The following BIRC5 variants were observed in gnomAD, a reference collection of about 807,000 sequenced individuals.
BIRC5 encodes the protein baculoviral IAP repeat containing 5, also known as baculoviral IAP repeat-containing protein 5.
Under a neutral mutation model 15.8 loss-of-function variants are expected in BIRC5, and 8 were observed. The observed-to-expected ratio is 0.51, with a 90% CI of 0.30 to 0.91. The LOEUF (loss-of-function observed/expected upper bound fraction) is 0.91. BIRC5 is among the 40% of genes least tolerant of loss of function. The pLI, the probability that BIRC5 is intolerant of heterozygous loss-of-function variation, is 0.07. For synonymous variants in BIRC5, 56 were observed against 64.5 expected, an observed-to-expected ratio of 0.87 and a Z score of 0.63; for missense variants, 163 against 178.6, an observed-to-expected ratio of 0.91 and a Z score of 0.50.
intron 3 of BIRC5, chr17:78,223,001 G>A (rs2076525264): frequency 1.4e-6 from 2 of 1,476,010 alleles, no homozygotes; most frequent in Non-Finnish European, 8.9e-7. Flanking sequence ...AGGTAGGGCA[G>A]TGGTTAAGAG....
In BIRC5 at chr17:78,214,334, G is replaced by C. The variant is rs2076461603; in HGVS notation, c.18G>C (p.Leu6Phe). 6.2e-7 allele frequency: 1 copy of C among 1,608,074 alleles called. No homozygotes were observed. Among genetic ancestry groups the C allele is most frequent in the Non-Finnish European group, 8.5e-7 (1 of 1,177,842 alleles). Residue 6 changes from leucine (L) to phenylalanine (F), a missense_variant, in exon 1 of 4, where the codon TTG (leucine) becomes TTC (phenylalanine). Leu to Phe is a conservative substitution (Grantham distance 22, BLOSUM62 0). Transcript: ENST00000350051. ...GCGGCGGCATGGGTGCCCCGACGTTGCCCCCTGCCTGGCAGCCCTTTCTCA... is the reference window on the plus strand; with the variant it reads ...GCGGCGGCATGGGTGCCCCGACGTTCCCCCCTGCCTGGCAGCCCTTTCTCA... MGAPT[L>F]PPAWQPFLKD...
At position 78,216,657 on chromosome 17, in the gene BIRC5, T is replaced by A; in HGVS notation, c.222-7T>A. The A allele has an allele frequency of 6.2e-7, 1 of 1,612,942 alleles. No individual in the cohort carries two copies. Among genetic ancestry groups the A allele is most frequent in the Non-Finnish European group, 8.5e-7 (1 of 1,179,236 alleles). On this transcript the variant is annotated splice_region_variant and splice_polypyrimidine_tract_variant and intron_variant, in intron 2 of 3. Transcript: ENST00000350051. ...CTGCCTTTCCGCTGTTGTTTTGATT[T>A]TTCTAGAGAGGAACATAAAAAGCAT...
chr17:78,225,488 G>A lies in BIRC5; in HGVS notation c.*1934G>A, dbSNP rs562486606. ...TTCCAATGGCAGGTTAGAGCCCCTC[G>A]GGCCAACTGCCATCCTGGAAAGTAG... On this transcript the variant is annotated 3_prime_UTR_variant, in exon 4 of 4. Transcript: ENST00000350051. The A allele has an allele frequency of 7.9e-5, 12 of 152,326 alleles. No homozygotes were observed. The highest frequency in any genetic ancestry group is 3.9e-4 in the East Asian group (2 of 5,188). 9.4% of individuals were successfully genotyped at this position (152,326 alleles called of 1,614,324 possible). A position where few individuals can be genotyped will look rare whatever the true frequency, so the allele number is the denominator to read the frequency against.
At chr17:78,222,446 C>T (rs1337125336) in intron 3 of BIRC5, among the ~76,000 whole-genome samples, 1 of 152,068 alleles carries the variant, frequency 6.6e-6, no homozygotes, top group African/African-American at 2.4e-5. Flanking sequence ...GCGGGCAGAT[C>T]ACATGAGATC....
chr17:78,223,637 G>GGAA lies in BIRC5; in HGVS notation c.*84_*85insAAG. The GGAA allele has an allele frequency of 6.3e-7, 1 of 1,596,112 alleles. No homozygotes were observed. The highest frequency in any genetic ancestry group is 8.5e-7 in the Non-Finnish European group (1 of 1,171,064). On this transcript the variant is annotated 3_prime_UTR_variant, in exon 4 of 4. Coordinates refer to ENST00000350051, the MANE Select transcript of BIRC5 (RefSeq NM_001168.3). ...CCCTGGTGCCACCAGCCTTCCTGTG[G>GGAA]GCCCCTTAGCAATGTCTTAGGAAAG...
Position 78,224,712 on chromosome 17 carries a change from C to T in BIRC5, c.*1158C>T, listed in dbSNP as rs886476628. ...CTGTCATTTCAAACACTGCTGTGGA[C>T]CCTACTGGGTTTTTAAAATATTGTC... On this transcript the variant is annotated 3_prime_UTR_variant, in exon 4 of 4. Transcript: ENST00000350051. The T allele has an allele frequency of 4.6e-5, 7 of 152,206 alleles. 1 individual carries two copies. Among genetic ancestry groups the T allele is most frequent in the Non-Finnish European group, 4.4e-5 (3 of 68,050 alleles). The allele number at this position is 152,206 out of a possible 1,614,324, so 9.4% of individuals were successfully genotyped here.
chr17:78,218,721 G>C (rs60257500), intron 3 of BIRC5, among the ~76,000 whole-genome samples: 1 of 151,422 alleles, frequency 6.6e-6, no homozygotes, highest in Non-Finnish European at 1.5e-5. Context: ...TTCTGCCTCA[G>C]CCTCCTGAGT....
intron 2 of BIRC5, among the ~76,000 whole-genome samples, chr17:78,215,548 G>A (rs17885141): frequency 3.2e-4 from 49 of 151,668 alleles, no homozygotes; most frequent in African/African-American, 1.2e-3. Context: ...TTTCCACACT[G>A]TAATGCCATA....
chr17:78,217,645 C>T (rs1048073837), intron 3 of BIRC5, among the ~76,000 whole-genome samples: 18 of 151,666 alleles, frequency 1.2e-4, no homozygotes, highest in East Asian at 9.7e-4. Flanking sequence ...TACAGGCGCC[C>T]GCCACCACAC....
At chr17:78,217,955 CTTAT>C (rs201966373) in intron 3 of BIRC5, among the ~76,000 whole-genome samples, 15 of 150,664 alleles carry the variant, frequency 1.0e-4, no homozygotes, top group East Asian at 3.9e-4. Context: ...CCATGCCCAC[CTTAT>C]TTATTTATTT....
chr17:78,214,844 AG>A (rs1271881103), intron 2 of BIRC5, 55 bp downstream of exon 2: 1 of 1,501,720 alleles, frequency 6.7e-7, no homozygotes. Context: ...AGTTGTCAAA[AG>A]ATTTGAGTTG....
Position 78,223,530 on chromosome 17 carries a change from C to T in BIRC5, c.405C>T (p.Ile135=), listed in dbSNP as rs17880183. ...EETAEKVRRA[I]EQLAAMD is the part of the protein sequence containing the mutation. ...CTGCGGAGAAAGTGCGCCGTGCCAT[C>T]GAGCAGCTGGCTGCCATGGATTGAG... Residue 135 remains isoleucine, a synonymous_variant, in exon 4 of 4, where the codon ATC becomes ATT. Transcript: ENST00000350051. The T allele has an allele frequency of 1.1e-3, 1,772 of 1,613,294 alleles. 27 individuals are homozygous for T. In the African/African-American group the frequency reaches 0.021, roughly 19 times the overall value.
intron 3 of BIRC5, among the ~76,000 whole-genome samples, chr17:78,220,448 G>A (rs767226157): frequency 1.3e-5 from 2 of 148,540 alleles, no homozygotes; most frequent in Non-Finnish European, 1.5e-5. Flanking sequence ...AAAAAAAGTA[G>A]GCTTTCATGA....
Position 78,224,726 on chromosome 17 carries a change from T to A in BIRC5, c.*1172T>A, listed in dbSNP as rs2076538713. 1 of 152,210 alleles carries A rather than the reference T, an allele frequency of 6.6e-6. No homozygotes were observed. The highest frequency in any genetic ancestry group is 1.5e-5 in the Non-Finnish European group (1 of 68,028). The allele number at this position is 152,210 out of a possible 1,614,324, so 9.4% of individuals were successfully genotyped here. ...ACTGCTGTGGACCCTACTGGGTTTT[T>A]AAAATATTGTCAGTTTTTCATCGTC... On this transcript the variant is annotated 3_prime_UTR_variant, in exon 4 of 4. Coordinates refer to ENST00000350051, the MANE Select transcript of BIRC5 (RefSeq NM_001168.3).
chr17:78,223,800 G>A lies in BIRC5; in HGVS notation c.*246G>A, dbSNP rs2076531275. 1 of 845,912 alleles carries A rather than the reference G, an allele frequency of 1.2e-6. No individual in the cohort carries two copies. The highest frequency in any genetic ancestry group is 1.7e-6 in the Non-Finnish European group (1 of 590,802). 52.4% of individuals were successfully genotyped at this position (845,912 alleles called of 1,614,324 possible). On this transcript the variant is annotated 3_prime_UTR_variant, in exon 4 of 4. Transcript: ENST00000350051. ...TCTCTCTCTCTCTCTCTTTTTTGGG[G>A]GCTCATTTTTGCTGTTTTGATTCCC...
intron 3 of BIRC5, among the ~76,000 whole-genome samples, chr17:78,217,041 A>G (rs1364537307): frequency 6.7e-6 from 1 of 149,694 alleles, no homozygotes; most frequent in African/African-American, 2.5e-5. Context: ...CACCACACCC[A>G]GCTAATTTTT....
At position 78,223,506 on chromosome 17, in the gene BIRC5, T is replaced by C; in HGVS notation, c.381T>C (p.Thr127=). The C allele has an allele frequency of 1.9e-6, 3 of 1,609,440 alleles. No homozygotes were observed. The highest frequency in any genetic ancestry group is 2.5e-6 in the Non-Finnish European group (3 of 1,178,088). The change falls in exon 4 of 4, where the codon ACT becomes ACC. Residue 127 remains threonine (T), a synonymous_variant. Transcript: ENST00000350051. ...TNNKKKEFEE[T]AEKVRRAIEQ... is the part of the protein sequence containing the mutation. ...ATAAGAAGAAAGAATTTGAGGAAAC[T>C]GCGGAGAAAGTGCGCCGTGCCATCG... is the stretch of plus-strand genomic sequence containing the variant.
chr17:78,216,386 C>G (rs984392657), intron 2 of BIRC5: 1 of 351,428 alleles, frequency 2.8e-6, no homozygotes, highest in African/African-American at 2.1e-5. Flanking sequence ...CCATGTAACA[C>G]TTTTCCAACT....
chr17:78,222,189 G>A (rs1004722115), intron 3 of BIRC5, among the ~76,000 whole-genome samples: 28 of 145,746 alleles, frequency 1.9e-4, no homozygotes, highest in African/African-American at 6.1e-4. Flanking sequence ...ATGACAGAGC[G>A]AGACCCTGTC....
Sources: allele counts gnomAD v4.1 joint callset (sites outside exome capture counted in the v4.1 genomes callset), GRCh38; gene constraint gnomAD v4.1.1; transcripts MANE v1.5; gene names NCBI Gene and HGNC (gene_info 2026-07-23, HGNC 2026-07-21).